Variants in KRT13 observed in about 807,000 individuals in gnomAD.
KRT13 encodes the protein keratin, type I cytoskeletal 13.
KRT13 carries 27 observed loss-of-function variants against 40.6 expected under a neutral mutation model. The ratio of observed to expected loss-of-function variants is 0.67; its 90% CI spans 0.49 to 0.92. The LOEUF (loss-of-function observed/expected upper bound fraction) is 0.92, where lower values mean the gene tolerates loss of function less well. Among genes scored for constraint, KRT13 ranks in the 40% least tolerant of loss-of-function variants. The pLI, the probability that KRT13 is intolerant of heterozygous loss-of-function variation, is 0.00. For missense variants in KRT13, 605 were observed against 611.5 expected, an observed-to-expected ratio of 0.99 and a Z score of 0.11; for synonymous variants, 266 against 240.3, an observed-to-expected ratio of 1.11 and a Z score of -0.99.
intron 6 of KRT13, 37 bp from the exon 7 acceptor site, chr17:41,501,781 T>C: frequency 1.3e-6 from 2 of 1,586,688 alleles, no homozygotes; most frequent in South Asian, 1.2e-5. Context: ...GAGCAGAGGG[T>C]AACTGAGGGC....
At position 41,503,402 on chromosome 17, in the gene KRT13, T is replaced by C. The variant is rs1292564931; in HGVS notation, c.620A>G (p.Asp207Gly). 3 of 1,614,086 alleles carry C rather than the reference T, an allele frequency of 1.9e-6. No individual in the cohort carries two copies. Among genetic ancestry groups the C allele is most frequent in the African/African-American group, 1.3e-5 (1 of 74,940 alleles). ...CAGCACCCGGCGCAGGCCGTTGATGTCGGCCTCCACGCTCTGGCGCAGGGC... is the reference window on the plus strand; with the variant it reads ...CAGCACCCGGCGCAGGCCGTTGATGCCGGCCTCCACGCTCTGGCGCAGGGC... ...ELALRQSVEA[D>G]INGLRRVLDE... Residue 207 changes from aspartate to glycine, a missense_variant, in exon 3 of 8, where the codon GAC becomes GGC. By Grantham distance (94) the Asp-to-Gly change is moderately conservative (BLOSUM62 -1). Transcript: ENST00000246635.
rs7211835 is a variant in KRT13 at position 41,503,277 on chromosome 17, T to C, written c.735+10A>G. 1,498,073 of 1,613,872 alleles carry C rather than the reference T, an allele frequency of 0.93. 700,608 individuals carry two copies. Among genetic ancestry groups the C allele is most frequent in the East Asian group, 0.98 (43,867 of 44,838 alleles). On this transcript the variant is annotated intron_variant, in intron 3 of 7. Coordinates refer to ENST00000246635, the MANE Select transcript of KRT13 (RefSeq NM_153490.3). ...TGTTGAGCCCAGGGCAGCCTGCAAT[T>C]CCCGCTCACCTCTTCATGGTTCTTC...
At position 41,501,334 on chromosome 17, in the gene KRT13, A is replaced by AACAGAGGTGCT; in HGVS notation, c.1288_1298dup (p.Thr434AlafsTer77). On this transcript the variant is annotated frameshift_variant, in exon 8 of 8. Coordinates refer to ENST00000246635, the MANE Select transcript of KRT13 (RefSeq NM_153490.3). LOFTEE classifies it low-confidence loss of function (END_TRUNC). ...TAACAGAGGCACTAGAAGTCGTGGTAACAGAGGTGCTACGGGGGCTGACGC... is the reference window on the plus strand; with the variant it reads ...TAACAGAGGCACTAGAAGTCGTGGTAACAGAGGTGCTACAGAGGTGCTACGGGGGCTGACGC... 1 of 1,572,322 alleles carries AACAGAGGTGCT rather than the reference A, an allele frequency of 6.4e-7. No individual in the cohort carries two copies. Among genetic ancestry groups the AACAGAGGTGCT allele is most frequent in the Non-Finnish European group, 8.6e-7 (1 of 1,158,448 alleles).
At chr17:41,501,845 T>G in intron 6 of KRT13, 101 bp from the exon 7 acceptor site, 1 of 1,550,274 alleles carries the variant, frequency 6.5e-7, no homozygotes. Context: ...TTCAAGCCCC[T>G]GGGCTGGACT....
intron 4 of KRT13, 43 bp from the exon 5 acceptor site, chr17:41,502,855 G>C (rs189918547): frequency 2.4e-5 from 39 of 1,614,048 alleles, no homozygotes; most frequent in African/African-American, 5.3e-5. Flanking sequence ...AGCTCAGCTC[G>C]AGCAGCCTGA....
In KRT13 at chr17:41,505,290, A is replaced by G. The variant is rs777516978; in HGVS notation, c.261T>C (p.Gly87=). The change falls in exon 1 of 8, where the codon GGT becomes GGC. Residue 87 remains glycine, a synonymous_variant. Transcript: ENST00000246635. The stretch of plus-strand genomic sequence containing the variant: ...CACAAGCACCAAAGTCAACAAAGCC[A>G]CCAGCAAAACCCCCACCAAAGCCAC... ...LGGGFGGGFA[G]GFVDFGACDG... 22 of 1,614,138 alleles carry G rather than the reference A, an allele frequency of 1.4e-5. No homozygotes were observed. The highest frequency in any genetic ancestry group is 1.8e-5 in the Non-Finnish European group (21 of 1,180,034).
chr17:41,504,930 GT>G, intron 1 of KRT13, 125 bp downstream of exon 1: 1 of 1,112,294 alleles, frequency 9.0e-7, no homozygotes, highest in East Asian at 2.6e-5. Flanking sequence ...TAGTCAAACA[GT>G]AGGCTTTTCC....
chr17:41,501,639 C>T, intron 7 of KRT13, 80 bp downstream of exon 7: 1 of 1,549,612 alleles, frequency 6.5e-7, no homozygotes, highest in Non-Finnish European at 8.7e-7. Context: ...CCCTCCCTCC[C>T]CGCCAGCTCC....
At chr17:41,503,996 G>A (rs1356447647) in intron 1 of KRT13, 2 of 453,210 alleles carry the variant, frequency 4.4e-6, no homozygotes, top group African/African-American at 2.0e-5. Flanking sequence ...GCTTGCTCTG[G>A]GGGGTCCACG....
In KRT13 at chr17:41,501,760, G is replaced by A; in HGVS notation, c.1245-16C>T. 6.3e-7 allele frequency: 1 copy of A among 1,594,916 alleles called. No homozygotes were observed. The highest frequency in any genetic ancestry group is 8.5e-7 in the Non-Finnish European group (1 of 1,170,124). On this transcript the variant is annotated splice_polypyrimidine_tract_variant and intron_variant, in intron 6 of 7. Coordinates refer to ENST00000246635, the MANE Select transcript of KRT13 (RefSeq NM_153490.3). ...ACCAATCATCCTGGGAGAGAGGACAGAGGTGGCCATGAGCAGAGGGTAACT... is the reference window on the plus strand; with the variant it reads ...ACCAATCATCCTGGGAGAGAGGACAAAGGTGGCCATGAGCAGAGGGTAACT...
At position 41,505,410 on chromosome 17, in the gene KRT13, G is replaced by C; in HGVS notation, c.141C>G (p.Gly47=). ...CTCCACCAAAACCACAGCTCACGCC[G>C]CCTCCATAGCCCCCAGCTGATCCCC... The part of the protein sequence containing the change: ...VSGGSAGGYG[G]GVSCGFGGGA... The change falls in exon 1 of 8, where the codon GGC becomes GGG. Residue 47 remains glycine, a synonymous_variant. Coordinates refer to ENST00000246635, the MANE Select transcript of KRT13 (RefSeq NM_153490.3). 6.2e-7 allele frequency: 1 copy of C among 1,612,866 alleles called. No homozygotes were observed. The highest frequency in any genetic ancestry group is 1.3e-5 in the African/African-American group (1 of 74,928).
rs920200832 is a variant in KRT13, at chr17:41,505,294, G to C, written c.257C>G (p.Ala86Gly). 1 of 1,613,958 alleles carries C rather than the reference G, an allele frequency of 6.2e-7. No homozygotes were observed. Among genetic ancestry groups the C allele is most frequent in the African/African-American group, 1.3e-5 (1 of 74,900 alleles). Reference protein sequence around the residue: ...GLGGGFGGGFAGGFVDFGACD... With the variant: ...GLGGGFGGGFGGGFVDFGACD... ...AGCACCAAAGTCAACAAAGCCACCA[G>C]CAAAACCCCCACCAAAGCCACCTCC... Residue 86 changes from alanine (A) to glycine (G), a missense_variant, in exon 1 of 8, where the codon GCT becomes GGT. Ala to Gly is a moderately conservative substitution (Grantham distance 60). Coordinates refer to ENST00000246635, the MANE Select transcript of KRT13 (RefSeq NM_153490.3).
intron 1 of KRT13, chr17:41,504,130 G>A (rs1054609529): frequency 2.2e-5 from 6 of 270,758 alleles, no homozygotes; most frequent in African/African-American, 1.3e-4. Context: ...CTTCTGTAAA[G>A]TGAGGAGTGG....
chr17:41,502,214 G>A, intron 6 of KRT13, 160 bp downstream of exon 6: 1 of 1,545,610 alleles, frequency 6.5e-7, no homozygotes, highest in East Asian at 2.4e-5. Context: ...AAAGTTTAAA[G>A]GTGTTAACCC....
Position 41,502,460 on chromosome 17 carries a change from T to C in KRT13, c.1158A>G (p.Gln386=). ...TGATGTCCAGCAGCATCTTGTACTCTTGGTTCTGGCACTCCATCTCACTGC... is the reference window on the plus strand; with the variant it reads ...TGATGTCCAGCAGCATCTTGTACTCCTGGTTCTGGCACTCCATCTCACTGC... ...ELRSEMECQN[Q]EYKMLLDIKT... The change falls in exon 6 of 8, where the codon CAA becomes CAG. Residue 386 remains glutamine (Q), a synonymous_variant. Coordinates refer to ENST00000246635, the MANE Select transcript of KRT13 (RefSeq NM_153490.3). 2 of 1,614,246 alleles carry C rather than the reference T, an allele frequency of 1.2e-6. No homozygotes were observed. The highest frequency in any genetic ancestry group is 1.7e-6 in the Non-Finnish European group (2 of 1,180,044).
Position 41,502,501 on chromosome 17 carries a change from G to A in KRT13, c.1117C>T (p.Gln373Ter). Residue 373 changes from glutamine to a stop codon, truncating the protein, a stop_gained, in exon 6 of 8, where the codon CAG (glutamine) becomes TAG (stop). Transcript: ENST00000246635. LOFTEE classifies it high-confidence loss of function. ...IQGLISSIEA[Q>*]LSELRSEMEC... ...ATCTCACTGCGGAGCTCGCTCAGCTGGGCCTCGATGCTGCTGATGAGTCCC... is the reference window on the plus strand; with the variant it reads ...ATCTCACTGCGGAGCTCGCTCAGCTAGGCCTCGATGCTGCTGATGAGTCCC... 6.2e-7 allele frequency: 1 copy of A among 1,614,106 alleles called. No homozygotes were observed. Among genetic ancestry groups the A allele is most frequent in the South Asian group, 1.1e-5 (1 of 91,086 alleles).
In KRT13 at chr17:41,502,400, G is replaced by C; in HGVS notation, c.1218C>G (p.Arg406=). Residue 406 remains arginine, a synonymous_variant, in exon 6 of 8, where the codon CGC becomes CGG. Coordinates refer to ENST00000246635, the MANE Select transcript of KRT13 (RefSeq NM_153490.3). ...TRLEQEIATY[R]SLLEGQDAKM... is the part of the protein sequence containing the mutation. ...TGGCGTCCTGGCCCTCGAGCAGGCTGCGGTAGGTGGCGATCTCCTGCTCCA... is the reference window on the plus strand; with the variant it reads ...TGGCGTCCTGGCCCTCGAGCAGGCTCCGGTAGGTGGCGATCTCCTGCTCCA... 1 of 1,614,256 alleles carries C rather than the reference G, an allele frequency of 6.2e-7. No individual in the cohort carries two copies. The highest frequency in any genetic ancestry group is 8.5e-7 in the Non-Finnish European group (1 of 1,180,048).
chr17:41,505,056 C>T lies in KRT13; in HGVS notation c.495G>A (p.Lys165=). Residue 165 remains lysine (K), a splice_region_variant and synonymous_variant, in exon 1 of 8, where the codon AAG becomes AAA. Coordinates refer to ENST00000246635, the MANE Select transcript of KRT13 (RefSeq NM_153490.3). ...YYKTIEELRD[K]ILTATIENNR... ...CCCTCCTCAGCTTCCAAGGGCTCAC[C>T]TTGTCCCGGAGCTCTTCAATGGTCT... is the stretch of plus-strand genomic sequence containing the variant. 1 of 1,614,176 alleles carries T rather than the reference C, an allele frequency of 6.2e-7. No individual in the cohort carries two copies. Among genetic ancestry groups the T allele is most frequent in the Non-Finnish European group, 8.5e-7 (1 of 1,180,014 alleles).
chr17:41,502,872 G>A (rs1238745576), intron 4 of KRT13, 60 bp from the exon 5 acceptor site: 1 of 1,614,116 alleles, frequency 6.2e-7, no homozygotes, highest in Non-Finnish European at 8.5e-7. Flanking sequence ...CTGACCAAGA[G>A]GCTGTGTCCG....
Sources: gnomAD v4.1 joint callset for allele counts on GRCh38, gnomAD v4.1.1 for gene constraint, MANE v1.5 for transcripts, NCBI Gene and HGNC (gene_info 2026-07-23, HGNC 2026-07-21) for gene names.